Variants in SLC2A9 observed in about 807,000 individuals in gnomAD.
The protein encoded by SLC2A9 is solute carrier family 2 member 9, also known as solute carrier family 2, facilitated glucose transporter member 9.
A neutral mutation model predicts 50.6 loss-of-function variants in SLC2A9; 39 were observed. The observed-to-expected ratio is 0.77, with a 90% CI of 0.60 to 1.01. The LOEUF (loss-of-function observed/expected upper bound fraction) is 1.01. Ranked by LOEUF, SLC2A9 falls within the 50% of genes least tolerant of loss-of-function variation. The pLI, the probability that SLC2A9 is intolerant of heterozygous loss-of-function variation, is 0.00. For synonymous variants in SLC2A9, 324 were observed against 276.9 expected (o/e 1.17, Z -1.69); for missense variants, 686 against 677.6 (o/e 1.01, Z -0.14).
chr4:9,963,255 T>C (rs1752558759), intron 5 of SLC2A9, among the ~76,000 whole-genome samples: 1 of 152,160 alleles, frequency 6.6e-6, no homozygotes, highest in Non-Finnish European at 1.5e-5. Flanking sequence ...ACCACCATGA[T>C]CCAATTATCT....
intron 5 of SLC2A9, among the ~76,000 whole-genome samples, chr4:9,977,134 G>C (rs35954357): frequency 0.53 from 80,683 of 151,820 alleles, 22,666 homozygotes; most frequent in East Asian, 0.89. Flanking sequence ...CATGCTGCAG[G>C]CCAAAAGCCT....
chr4:9,960,400 C>T (rs1752077594), intron 5 of SLC2A9, among the ~76,000 whole-genome samples: 1 of 152,140 alleles, frequency 6.6e-6, no homozygotes, highest in African/African-American at 2.4e-5. Context: ...AGTTGGTGGA[C>T]AATATTAATG....
At chr4:10,030,504 T>C (rs1763907180) in intron 1 of SLC2A9, among the ~76,000 whole-genome samples, 1 of 152,130 alleles carries the variant, frequency 6.6e-6, no homozygotes, top group African/African-American at 2.4e-5. Context: ...AGGTCCCTTT[T>C]ACATTGTAAT....
intron 7 of SLC2A9, among the ~76,000 whole-genome samples, chr4:9,919,579 G>A (rs150598102): frequency 1.6e-4 from 25 of 152,262 alleles, no homozygotes; most frequent in African/African-American, 6.0e-4. Context: ...TTGGAAGGGT[G>A]CTGGCGGGTG....
At chr4:10,003,059 A>G (rs1760132085) in intron 2 of SLC2A9, among the ~76,000 whole-genome samples, 1 of 152,188 alleles carries the variant, frequency 6.6e-6, no homozygotes, top group Admixed American at 6.5e-5. Context: ...TACTGCAAGT[A>G]TGTACAGAGT....
At chr4:9,848,047 C>T (rs1439802742) in intron 10 of SLC2A9, among the ~76,000 whole-genome samples, 4 of 152,162 alleles carry the variant, frequency 2.6e-5, no homozygotes, top group Non-Finnish European at 5.9e-5. Flanking sequence ...TGGAGTGAGA[C>T]TCCCAGTGTT....
chr4:9,977,661 C>A (rs1349570092), intron 5 of SLC2A9, among the ~76,000 whole-genome samples: 12 of 151,892 alleles, frequency 7.9e-5, no homozygotes, highest in Middle Eastern at 3.4e-3. Context: ...CCCATTGCCT[C>A]TCTCTTCCTA....
At chr4:9,868,912 A>G (rs1732957699) in intron 10 of SLC2A9, among the ~76,000 whole-genome samples, 1 of 152,164 alleles carries the variant, frequency 6.6e-6, no homozygotes, top group Non-Finnish European at 1.5e-5. Flanking sequence ...AACACCCCCC[A>G]AAGGCATGGG....
At chr4:9,850,587 C>T (rs1038289072) in intron 10 of SLC2A9, among the ~76,000 whole-genome samples, 1 of 152,128 alleles carries the variant, frequency 6.6e-6, no homozygotes, top group African/African-American at 2.4e-5. Context: ...GGCTTCTTTG[C>T]CAGCAGACCA....
At chr4:9,835,770 AC>A (rs1266761511) in intron 10 of SLC2A9, among the ~76,000 whole-genome samples, 1 of 152,164 alleles carries the variant, frequency 6.6e-6, no homozygotes, top group African/African-American at 2.4e-5. Context: ...GAGCTAAGCT[AC>A]GAGGATGCAA....
At chr4:9,790,603 A>C (rs1214335188) in intron 3 of SLC2A9, among the ~76,000 whole-genome samples, 1 of 152,058 alleles carries the variant, frequency 6.6e-6, no homozygotes, top group African/African-American at 2.4e-5. Flanking sequence ...GGAGTTTGGG[A>C]GGTGGGGGAT....
At chr4:9,818,155 G>A (rs550601580) in intron 3 of SLC2A9, among the ~76,000 whole-genome samples, 1 of 152,260 alleles carries the variant, frequency 6.6e-6, no homozygotes, top group Admixed American at 6.5e-5. Context: ...GATGACCCTA[G>A]CCATGCTGAG....
At chr4:9,798,696 C>G (rs956750100), downstream of SLC2A9, 1 of 152,070 alleles carries the variant, frequency 6.6e-6, no homozygotes, top group African/African-American at 2.4e-5. Flanking sequence ...TCCAGCAGTC[C>G]CGTGTTGTAG....
At chr4:9,937,300 C>G (rs527815936) in intron 6 of SLC2A9, among the ~76,000 whole-genome samples, 1 of 152,078 alleles carries the variant, frequency 6.6e-6, no homozygotes, top group African/African-American at 2.4e-5. Flanking sequence ...TGTGTTTTCC[C>G]GCCCCTTTTT....
chr4:9,955,833 T>C (rs1477956174), intron 5 of SLC2A9, among the ~76,000 whole-genome samples: 2 of 151,056 alleles, frequency 1.3e-5, no homozygotes, highest in Non-Finnish European at 2.9e-5. Flanking sequence ...GGGATTCTTA[T>C]TCAGAAAGTC....
chr4:9,782,808 C>T, intron 3 of SLC2A9: 4 of 1,613,812 alleles, frequency 2.5e-6, no homozygotes, highest in Non-Finnish European at 3.4e-6. Context: ...CGCAGGATTT[C>T]CTCCCTGGAG....
At chr4:10,028,827 A>G (rs1279777055) in intron 1 of SLC2A9, among the ~76,000 whole-genome samples, 3 of 152,266 alleles carry the variant, frequency 2.0e-5, no homozygotes, top group African/African-American at 7.2e-5. Context: ...CCTCCCAAGC[A>G]CTAATCACAG....
At chr4:9,966,747 T>A (rs886320659) in intron 5 of SLC2A9, among the ~76,000 whole-genome samples, 1 of 152,210 alleles carries the variant, frequency 6.6e-6, no homozygotes, top group Non-Finnish European at 1.5e-5. Context: ...CTAGTACAAT[T>A]ATTAAAACAT....
intron 5 of SLC2A9, among the ~76,000 whole-genome samples, chr4:9,959,166 T>C (rs1030583703): frequency 4.0e-5 from 6 of 151,256 alleles, no homozygotes; most frequent in African/African-American, 1.2e-4. Flanking sequence ...GCCAATGTGG[T>C]TCGAGATCAG....
Sources: gnomAD v4.1 joint callset for allele counts (sites outside exome capture counted in the v4.1 genomes callset) on GRCh38, gnomAD v4.1.1 for gene constraint, MANE v1.5 for transcripts, NCBI Gene and HGNC (gene_info 2026-07-23, HGNC 2026-07-21) for gene names.